The following NCOA7 variants were observed in gnomAD, a reference collection of about 807,000 sequenced individuals.
The protein encoded by NCOA7 is 140 kDa estrogen receptor-associated protein.
NCOA7 carries 45 observed loss-of-function variants against 104.3 expected under a neutral mutation model. The observed-to-expected ratio is 0.43, with a 90% CI of 0.34 to 0.55. The LOEUF (loss-of-function observed/expected upper bound fraction) is 0.55. NCOA7 is among the 20% of genes least tolerant of loss of function. The pLI, the probability that NCOA7 is intolerant of heterozygous loss-of-function variation, is 0.02. For synonymous variants in NCOA7, 398 were observed against 402.3 expected (o/e 0.99, Z 0.13); for missense variants, 1,041 against 1,119.7 (o/e 0.93, Z 1.00).
intron 5 of NCOA7, 102 bp downstream of exon 5, chr6:125,878,472 G>C: frequency 1.4e-6 from 1 of 715,658 alleles, no homozygotes; most frequent in Non-Finnish European, 2.2e-6. Context: ...TATGATAAAT[G>C]ATAATGTGCT....
chr6:125,911,811 T>G (rs1786587406), intron 10 of NCOA7, among the ~76,000 whole-genome samples: 1 of 152,138 alleles, frequency 6.6e-6, no homozygotes. Flanking sequence ...ACCCGGTCCA[T>G]GGTTGGGATC....
rs947443712 is a variant in NCOA7 at position 125,922,594 on chromosome 6, T to G, written c.2371-88T>G. ...CTATGTGAGTGTATGATACTGAGTT[T>G]GAATAACAGGCATTTGTTTTGTGCC... On this transcript the variant is annotated intron_variant, in intron 12 of 15. Transcript: ENST00000392477. 73 of 1,486,256 alleles carry G rather than the reference T, an allele frequency of 4.9e-5. No homozygotes were observed. The Admixed American group carries it at 1.3e-3, about 27-fold the overall frequency. The allele number at this position is 1,486,256 out of a possible 1,614,324, so 92.1% of individuals were successfully genotyped here. A position where few individuals can be genotyped will look rare whatever the true frequency, so the allele number is the denominator to read the frequency against.
chr6:125,857,882 G>T (rs565417416), intron 3 of NCOA7, among the ~76,000 whole-genome samples: 1 of 151,836 alleles, frequency 6.6e-6, no homozygotes, highest in Admixed American at 6.6e-5. Context: ...CACTGCACCC[G>T]AGCCCAAAGC....
rs1023811556 is a variant in NCOA7, at chr6:125,858,506, A to G, written c.271+3266A>G. ...AAATACATTAGCCAGGCATAGTAGCACACACCTGTAGTCCCAGCTACTTGG... is the reference window on the plus strand; with the variant it reads ...AAATACATTAGCCAGGCATAGTAGCGCACACCTGTAGTCCCAGCTACTTGG... On this transcript the variant is annotated intron_variant, in intron 3 of 15. Transcript: ENST00000392477. Among the ~76,000 whole-genome samples the G allele has an allele frequency of 4.6e-5, 7 of 152,060 alleles. No individual in the cohort carries two copies. The South Asian group carries it at 1.2e-3, about 27-fold the overall frequency.
chr6:125,850,762 C>T (rs1016547827), intron 2 of NCOA7, among the ~76,000 whole-genome samples: 2 of 152,136 alleles, frequency 1.3e-5, no homozygotes, highest in Non-Finnish European at 2.9e-5. Context: ...AAAGTTAATC[C>T]CAAACATGTT....
chr6:125,864,669 C>T lies in NCOA7; in HGVS notation c.271+9429C>T, dbSNP rs1450794333. Among the ~76,000 whole-genome samples, 5 of 136,230 alleles carry T rather than the reference C, an allele frequency of 3.7e-5. 1 individual carries two copies. The highest frequency in any genetic ancestry group is 2.1e-4 in the East Asian group (1 of 4,664). 89.4% of individuals were successfully genotyped at this position (136,230 alleles called of 152,430 possible). A position where few individuals can be genotyped will look rare whatever the true frequency, so the allele number is the denominator to read the frequency against. On this transcript the variant is annotated intron_variant, in intron 3 of 15. Coordinates refer to ENST00000392477, the MANE Select transcript of NCOA7 (RefSeq NM_181782.5). The stretch of plus-strand genomic sequence containing the variant: ...TCAGAGAGCTGCCTGGTTGAGAATG[C>T]GCTATCTACGAGCCAGGATGAGGGA...
At chr6:125,809,502 A>G (rs1145986) in intron 1 of NCOA7, among the ~76,000 whole-genome samples, 3,966 of 152,260 alleles carry the variant, frequency 0.026, 169 homozygotes, top group African/African-American at 0.091. Context: ...AGTTTGTGGC[A>G]CACGTTTGTA....
chr6:125,892,535 G>C (rs1037470027), intron 10 of NCOA7, among the ~76,000 whole-genome samples: 2 of 152,096 alleles, frequency 1.3e-5, no homozygotes, highest in East Asian at 1.9e-4. Context: ...TTAGCCAGGC[G>C]TGGTGGTGGG....
upstream of NCOA7, among the ~76,000 whole-genome samples, chr6:125,786,775 C>T (rs148061273): frequency 3.0e-4 from 45 of 152,186 alleles, no homozygotes; most frequent in African/African-American, 1.1e-3. Context: ...AGAGTTTCAT[C>T]GTGTTGGCCA....
intron 2 of NCOA7, among the ~76,000 whole-genome samples, chr6:125,817,786 T>G (rs1201986164): frequency 6.6e-6 from 1 of 152,210 alleles, no homozygotes; most frequent in Non-Finnish European, 1.5e-5. Flanking sequence ...CTTTTATGAA[T>G]TGTGCTTTTG....
chr6:125,804,443 A>T (rs141636905), intron 1 of NCOA7, among the ~76,000 whole-genome samples: 157 of 152,294 alleles, frequency 1.0e-3, no homozygotes, highest in African/African-American at 3.3e-3. Context: ...GGTAATCAAA[A>T]GCATGTCACA....
chr6:125,830,749 G>GTGTGTGTA (rs1554264625), intron 2 of NCOA7, among the ~76,000 whole-genome samples: 10 of 149,146 alleles, frequency 6.7e-5, no homozygotes, highest in African/African-American at 2.2e-4. Flanking sequence ...GTGTGTGTGT[G>GTGTGTGTA]TGTGTGTGTG....
chr6:125,873,257 T>C (rs1307075209), intron 3 of NCOA7, among the ~76,000 whole-genome samples: 2 of 152,174 alleles, frequency 1.3e-5, no homozygotes, highest in African/African-American at 2.4e-5. Flanking sequence ...GGGCTTCTTG[T>C]CATTTATCAT....
At chr6:125,858,626 T>TG (rs1266414822) in intron 3 of NCOA7, among the ~76,000 whole-genome samples, 2 of 148,300 alleles carry the variant, frequency 1.3e-5, no homozygotes, top group African/African-American at 5.0e-5. Context: ...ACACTGTCTC[T>TG]GAAAAAAAAA....
chr6:125,853,840 G>A (rs766914264), intron 2 of NCOA7, among the ~76,000 whole-genome samples: 1 of 152,176 alleles, frequency 6.6e-6, no homozygotes, highest in Non-Finnish European at 1.5e-5. Context: ...AAGGTTCAAG[G>A]CGTGAAATTC....
intron 10 of NCOA7, among the ~76,000 whole-genome samples, chr6:125,894,177 G>A (rs189467160): frequency 8.5e-5 from 13 of 152,198 alleles, no homozygotes; most frequent in Middle Eastern, 3.4e-3. Flanking sequence ...GGGGGTGGGT[G>A]GGGGTGAATT....
At position 125,839,116 on chromosome 6, in the gene NCOA7, T is replaced by A. The variant is rs575493589; in HGVS notation, c.51-15904T>A. ...ATCATTAGCCCTTGGTGATTTTTGT[T>A]TGTTTGTTTGTTTGTTTTTGAGACA... On this transcript the variant is annotated intron_variant, in intron 2 of 15. Coordinates refer to ENST00000392477, the MANE Select transcript of NCOA7 (RefSeq NM_181782.5). Among the ~76,000 whole-genome samples, 154 of 152,078 alleles carry A rather than the reference T, an allele frequency of 1.0e-3. 1 individual carries two copies. Among genetic ancestry groups the A allele is most frequent in the Admixed American group, 1.6e-3 (25 of 15,276 alleles).
At chr6:125,899,862 G>A (rs11154336) in intron 10 of NCOA7, 189,990 of 415,416 alleles carry the variant, frequency 0.46, 45,619 homozygotes, top group Admixed American at 0.62. Context: ...ACAGTCAGAC[G>A]TAAGCTCATG....
intron 2 of NCOA7, among the ~76,000 whole-genome samples, chr6:125,837,853 A>C (rs1779759923): frequency 6.6e-6 from 1 of 152,234 alleles, no homozygotes; most frequent in Non-Finnish European, 1.5e-5. Context: ...ACCAGGGAAC[A>C]TATAAATTGG....
Sources: gnomAD v4.1 joint callset for allele counts (sites outside exome capture counted in the v4.1 genomes callset) on GRCh38, gnomAD v4.1.1 for gene constraint, MANE v1.5 for transcripts, NCBI Gene and HGNC (gene_info 2026-07-23, HGNC 2026-07-21) for gene names.